HOXD13: variants seen among roughly 807,000 people sequenced by gnomAD.
HOXD13 encodes homeobox D13, also known as homeobox protein Hox-D13.
Under a neutral mutation model 27.3 loss-of-function variants are expected in HOXD13, and 16 were observed. That is an observed-to-expected ratio of 0.59 (90% CI 0.40 to 0.89). HOXD13 has a LOEUF of 0.89. Ranked by LOEUF, HOXD13 falls within the 40% of genes least tolerant of loss-of-function variation. HOXD13 has a pLI of 0.00. For missense variants in HOXD13, 481 were observed against 482.6 expected (o/e 1.00, Z 0.03); for synonymous variants, 241 against 219.0 (o/e 1.10, Z -0.89).
chr2:176,093,592 G>A lies in HOXD13; in HGVS notation c.702G>A (p.Leu234=). The part of the protein sequence containing the change: ...ISMEGYQSWT[L]ANGWNSQVYC... ...TGGAGGGGTACCAGTCCTGGACGCT[G>A]GCTAACGGGTGGAACAGCCAGGTGT... The change falls in exon 1 of 2, where the codon CTG becomes CTA. Residue 234 remains leucine, a synonymous_variant. Transcript: ENST00000392539. 6.2e-7 allele frequency: 1 copy of A among 1,613,800 alleles called. No homozygotes were observed. The highest frequency in any genetic ancestry group is 8.5e-7 in the Non-Finnish European group (1 of 1,179,996).
upstream of HOXD13, among the ~76,000 whole-genome samples, chr2:176,090,677 C>T (rs905201931): frequency 5.9e-5 from 9 of 152,128 alleles, no homozygotes; most frequent in Admixed American, 5.2e-4. Context: ...AATATTTCAA[C>T]GAATTTGTTT....
upstream of HOXD13, among the ~76,000 whole-genome samples, chr2:176,088,742 T>C (rs981890165): frequency 6.6e-6 from 1 of 152,198 alleles, no homozygotes; most frequent in South Asian, 2.1e-4. Flanking sequence ...GTAGTTTTGC[T>C]AGGGAAGTGT....
chr2:176,094,385 G>A (rs113848671), intron 1 of HOXD13, 95 bp from the exon 2 acceptor site: 37 of 1,202,020 alleles, frequency 3.1e-5, no homozygotes, highest in African/African-American at 9.6e-5. Flanking sequence ...CCCTGCAAAC[G>A]CACACACACA....
In HOXD13 at chr2:176,095,337, T is replaced by G. The variant is rs550052701; in HGVS notation, c.*607T>G. 7.9e-4 allele frequency: 181 copies of G among 228,554 alleles called. 1 individual carries two copies. Among genetic ancestry groups the G allele is most frequent in the African/African-American group, 3.6e-3 (162 of 45,154 alleles). 14.2% of individuals were successfully genotyped at this position (228,554 alleles called of 1,614,324 possible). The stretch of plus-strand genomic sequence containing the variant: ...TATTAAATAGGGATTGTATCAATAT[T>G]GAAATGAAGACAATCTTTCCAACTT... On this transcript the variant is annotated 3_prime_UTR_variant, in exon 2 of 2. Coordinates refer to ENST00000392539, the MANE Select transcript of HOXD13 (RefSeq NM_000523.4).
rs1264961008 is a variant in HOXD13 at position 176,094,382 on chromosome 2, A to AATGC, written c.782-97_782-96insTGCA. 3.1e-6 allele frequency: 4 copies of AATGC among 1,291,294 alleles called. No individual in the cohort carries two copies. In the African/African-American group the frequency reaches 7.4e-5, roughly 24 times the overall value. 80.0% of individuals were successfully genotyped at this position (1,291,294 alleles called of 1,614,324 possible). On this transcript the variant is annotated intron_variant, in intron 1 of 1. Transcript: ENST00000392539. The stretch of plus-strand genomic sequence containing the variant: ...TTTAAAAATTTCCTGCACCCCTGCA[A>AATGC]ACGCACACACACACACACACACACA...
chr2:176,089,933 G>C (rs1015585863), upstream of HOXD13, among the ~76,000 whole-genome samples: 3 of 152,334 alleles, frequency 2.0e-5, no homozygotes, highest in Middle Eastern at 3.4e-3. Flanking sequence ...ACAAACACAA[G>C]GCTTGGTCTG....
At chr2:176,094,437 G>T in intron 1 of HOXD13, 43 bp from the exon 2 acceptor site, 2 of 1,603,758 alleles carry the variant, frequency 1.2e-6, no homozygotes, top group South Asian at 1.1e-5. Context: ...TAGGTGCTCC[G>T]AATATCCCAG....
chr2:176,090,261 A>G (rs1244765458), upstream of HOXD13, among the ~76,000 whole-genome samples: 1 of 152,256 alleles, frequency 6.6e-6, no homozygotes, highest in East Asian at 1.9e-4. Flanking sequence ...GCAGCAGGAT[A>G]TCAAGGGGCA....
At chr2:176,088,149 AC>A (rs1192572372), upstream of HOXD13, among the ~76,000 whole-genome samples, 2 of 152,252 alleles carry the variant, frequency 1.3e-5, no homozygotes, top group Non-Finnish European at 2.9e-5. Context: ...GTGCAGTGGG[AC>A]AGTAGGACCG....
upstream of HOXD13, among the ~76,000 whole-genome samples, chr2:176,088,409 G>T (rs6760988): frequency 0.042 from 6,370 of 152,264 alleles, 463 homozygotes; most frequent in African/African-American, 0.14. Flanking sequence ...CCTGGGCTCG[G>T]TCTACGCAGA....
At chr2:176,090,890 T>G (rs144773201), upstream of HOXD13, among the ~76,000 whole-genome samples, 32 of 152,360 alleles carry the variant, frequency 2.1e-4, no homozygotes, top group African/African-American at 7.7e-4. Context: ...TTTAAAATGC[T>G]GGTTGAACTT....
intron 1 of HOXD13, among the ~76,000 whole-genome samples, chr2:176,093,949 C>CCT (rs1479423234): frequency 6.6e-6 from 1 of 152,164 alleles, no homozygotes; most frequent in East Asian, 1.9e-4. Flanking sequence ...TTTCCTTGGG[C>CCT]CTCTCCCTTT....
chr2:176,088,108 C>T (rs1359281156), upstream of HOXD13, among the ~76,000 whole-genome samples: 2 of 152,260 alleles, frequency 1.3e-5, no homozygotes, highest in Non-Finnish European at 2.9e-5. Context: ...CGCCTTGGGA[C>T]GCATGCTTGC....
chr2:176,092,998 G>A lies in HOXD13; in HGVS notation c.108G>A (p.Ala36=). The A allele has an allele frequency of 2.2e-6, 3 of 1,368,248 alleles. No homozygotes were observed. The highest frequency in any genetic ancestry group is 9.4e-7 in the Non-Finnish European group (1 of 1,064,924). The allele number at this position is 1,368,248 out of a possible 1,614,324, so 84.8% of individuals were successfully genotyped here. A position where few individuals can be genotyped will look rare whatever the true frequency, so the allele number is the denominator to read the frequency against. ...SSSSSVAAAA[A]SGQCRGFLSA... Reference sequence around the variant, plus strand: ...CCTCATCGGTGGCGGCGGCGGCGGCGTCAGGCCAGTGCCGCGGCTTTCTCT... The same window carrying A: ...CCTCATCGGTGGCGGCGGCGGCGGCATCAGGCCAGTGCCGCGGCTTTCTCT... Residue 36 remains alanine, a synonymous_variant, in exon 1 of 2, where the codon GCG becomes GCA. Coordinates refer to ENST00000392539, the MANE Select transcript of HOXD13 (RefSeq NM_000523.4).
chr2:176,091,418 G>C (rs574011780), upstream of HOXD13, among the ~76,000 whole-genome samples: 1 of 152,310 alleles, frequency 6.6e-6, no homozygotes, highest in East Asian at 1.9e-4. Context: ...GAGCCCCAAA[G>C]TCACAGCAGG....
chr2:176,093,699 C>A lies in HOXD13; in HGVS notation c.781+28C>A, dbSNP rs367650583. On this transcript the variant is annotated intron_variant, in intron 1 of 1. Coordinates refer to ENST00000392539, the MANE Select transcript of HOXD13 (RefSeq NM_000523.4). Reference sequence around the variant, plus strand: ...AGGGGCGATGGAGAAAAGGGACCGACACGAGGGAGGGGGAGAGAGAAGGAG... The same window carrying A: ...AGGGGCGATGGAGAAAAGGGACCGAAACGAGGGAGGGGGAGAGAGAAGGAG... 1.6e-4 allele frequency: 227 copies of A among 1,426,400 alleles called. 1 individual carries two copies. The highest frequency in any genetic ancestry group is 2.1e-4 in the Non-Finnish European group (217 of 1,032,050). 88.4% of individuals were successfully genotyped at this position (1,426,400 alleles called of 1,614,324 possible). A position where few individuals can be genotyped will look rare whatever the true frequency, so the allele number is the denominator to read the frequency against.
chr2:176,092,651 C>A (rs1483046622), upstream of HOXD13, among the ~76,000 whole-genome samples: 1 of 151,976 alleles, frequency 6.6e-6, no homozygotes, highest in Non-Finnish European at 1.5e-5. Flanking sequence ...GGGAGGCGGC[C>A]CCCCGACCGG....
At position 176,092,767 on chromosome 2, in the gene HOXD13, A is replaced by G; in HGVS notation, c.-124A>G. 3.7e-6 allele frequency: 2 copies of G among 542,580 alleles called. No homozygotes were observed. The highest frequency in any genetic ancestry group is 2.7e-6 in the Non-Finnish European group (1 of 367,748). The allele number at this position is 542,580 out of a possible 1,614,324, so 33.6% of individuals were successfully genotyped here. A position where few individuals can be genotyped will look rare whatever the true frequency, so the allele number is the denominator to read the frequency against. On this transcript the variant is annotated 5_prime_UTR_variant, in exon 1 of 2. Coordinates refer to ENST00000392539, the MANE Select transcript of HOXD13 (RefSeq NM_000523.4). Reference sequence around the variant, plus strand: ...AGGCGGGAGGCTCACAGAGGGAGAGAGGGCTAGAGGAAGAGGGCGGGAGCG... The same window carrying G: ...AGGCGGGAGGCTCACAGAGGGAGAGGGGGCTAGAGGAAGAGGGCGGGAGCG...
At chr2:176,094,385 G>GCACGCA (rs1689379649) in intron 1 of HOXD13, 95 bp from the exon 2 acceptor site, 2 of 1,201,034 alleles carry the variant, frequency 1.7e-6, no homozygotes, top group Non-Finnish European at 1.2e-6. Flanking sequence ...CCCTGCAAAC[G>GCACGCA]CACACACACA....
Sources: gnomAD v4.1 joint callset for allele counts (sites outside exome capture counted in the v4.1 genomes callset) on GRCh38, gnomAD v4.1.1 for gene constraint, MANE v1.5 for transcripts, NCBI Gene and HGNC (gene_info 2026-07-23, HGNC 2026-07-21) for gene names.